TMEM132B: variants seen among roughly 807,000 people sequenced by gnomAD.
The protein encoded by TMEM132B is transmembrane protein 132B.
Under a neutral mutation model 90.8 loss-of-function variants are expected in TMEM132B, and 18 were observed. The ratio of observed to expected loss-of-function variants is 0.20; its 90% CI spans 0.14 to 0.29. The LOEUF (loss-of-function observed/expected upper bound fraction) is 0.29, where lower values mean the gene tolerates loss of function less well. Among genes scored for constraint, TMEM132B ranks in the 10% least tolerant of loss-of-function variants. The pLI is 1.00. For synonymous variants in TMEM132B, 504 were observed against 523.3 expected, an observed-to-expected ratio of 0.96 and a Z score of 0.50; for missense variants, 1,096 against 1,326.8, an observed-to-expected ratio of 0.83 and a Z score of 2.70.
intron 1 of TMEM132B, among the ~76,000 whole-genome samples, chr12:125,227,802 C>A (rs1048046216): frequency 6.6e-5 from 10 of 151,970 alleles, no homozygotes; most frequent in African/African-American, 2.4e-4. Context: ...GTGTGTAGGG[C>A]TGAACAAAAG....
At position 125,277,526 on chromosome 12, in the gene TMEM132B, CACAT is replaced by C. The variant is rs1176698459; in HGVS notation, c.68-71922_68-71919del. On this transcript the variant is annotated intron_variant, in intron 1 of 8. Transcript: ENST00000682704. The surrounding 1 kb of genome is among the most constrained non-coding windows in gnomAD (Gnocchi z 4.3). ...GAACACACACACACACACACACACA[CACAT>C]ACACACACACACGGGAAGGCCATGT... Among the ~76,000 whole-genome samples the C allele has an allele frequency of 1.3e-5, 2 of 151,228 alleles. No individual in the cohort carries two copies. The highest frequency in any genetic ancestry group is 4.9e-5 in the African/African-American group (2 of 41,016).
chr12:125,565,868 C>T (rs1884647274), intron 4 of TMEM132B, among the ~76,000 whole-genome samples: 1 of 152,182 alleles, frequency 6.6e-6, no homozygotes, highest in Non-Finnish European at 1.5e-5. Context: ...AAAAGGAATG[C>T]CTGTTCTTAT....
intron 1 of TMEM132B, among the ~76,000 whole-genome samples, chr12:125,292,516 G>A (rs368710978): frequency 6.6e-6 from 1 of 152,198 alleles, no homozygotes; most frequent in East Asian, 1.9e-4. Flanking sequence ...TTCTGTTTGC[G>A]AGTGACAGAA....
At chr12:125,365,601 A>G (rs912097202) in intron 2 of TMEM132B, among the ~76,000 whole-genome samples, 2 of 152,088 alleles carry the variant, frequency 1.3e-5, no homozygotes, top group Non-Finnish European at 2.9e-5. Context: ...TACTGGCAAT[A>G]AATTCCTTTA....
intron 1 of TMEM132B, among the ~76,000 whole-genome samples, chr12:125,331,119 G>C (rs1876754995): frequency 6.6e-6 from 1 of 152,214 alleles, no homozygotes; most frequent in Non-Finnish European, 1.5e-5. Flanking sequence ...GCGAGGCCCG[G>C]GGTCTGCGGA....
intron 4 of TMEM132B, among the ~76,000 whole-genome samples, chr12:125,577,995 G>A (rs1370858625): frequency 1.3e-5 from 2 of 152,014 alleles, no homozygotes; most frequent in East Asian, 3.9e-4. Context: ...TTTCAAATTT[G>A]TTGAGACTTG....
At chr12:125,412,919 C>G (rs530321966) in intron 2 of TMEM132B, among the ~76,000 whole-genome samples, 1 of 151,994 alleles carries the variant, frequency 6.6e-6, no homozygotes, top group Non-Finnish European at 1.5e-5. Flanking sequence ...CAGAATTCAG[C>G]GGAAGAATGA....
At chr12:125,280,435 A>C (rs1237547725) in intron 1 of TMEM132B, among the ~76,000 whole-genome samples, 1 of 152,234 alleles carries the variant, frequency 6.6e-6, no homozygotes, top group Non-Finnish European at 1.5e-5. Flanking sequence ...AGGGTGTATC[A>C]GTGAGAATAA....
At chr12:125,631,924 T>A (rs1341535157) in intron 5 of TMEM132B, among the ~76,000 whole-genome samples, 5 of 151,768 alleles carry the variant, frequency 3.3e-5, no homozygotes, top group Non-Finnish European at 7.4e-5. Flanking sequence ...TGGGTCTTTT[T>A]AAAAAATCCA....
At chr12:125,331,082 G>A (rs1876753647) in intron 1 of TMEM132B, among the ~76,000 whole-genome samples, 1 of 152,328 alleles carries the variant, frequency 6.6e-6, no homozygotes, top group East Asian at 1.9e-4. Flanking sequence ...CGCTGGCGGC[G>A]GCGGCCACTG....
intron 1 of TMEM132B, among the ~76,000 whole-genome samples, chr12:125,278,433 G>A (rs928421832): frequency 2.0e-5 from 3 of 148,914 alleles, no homozygotes; most frequent in Non-Finnish European, 4.4e-5. Flanking sequence ...AAATTTAACT[G>A]TCAATCAAGG....
At chr12:125,188,669 C>T (rs1957774892) in intron 1 of TMEM132B, among the ~76,000 whole-genome samples, 1 of 151,700 alleles carries the variant, frequency 6.6e-6, no homozygotes, top group Non-Finnish European at 1.5e-5. Flanking sequence ...TGCCTGCTCC[C>T]CTGCTGTTCT....
chr12:125,260,922 T>TTGTGTGTGTGTGTGTG lies in TMEM132B; in HGVS notation c.67+74069_67+74084dup, dbSNP rs60739492. On this transcript the variant is annotated intron_variant, in intron 1 of 8. Coordinates refer to ENST00000682704, the MANE Select transcript of TMEM132B (RefSeq NM_001366854.1). The stretch of plus-strand genomic sequence containing the variant: ...CAGAGCGAGACCCTGTCTCTACAGA[T>TTGTGTGTGTGTGTGTG]TGTGTGTGTGTGTGTGTGTGTGTGT... Among the ~76,000 whole-genome samples the TTGTGTGTGTGTGTGTG allele has an allele frequency of 5.1e-4, 75 of 148,250 alleles. 1 individual carries two copies. Among genetic ancestry groups the TTGTGTGTGTGTGTGTG allele is most frequent in the African/African-American group, 1.6e-3 (66 of 40,176 alleles).
intron 5 of TMEM132B, among the ~76,000 whole-genome samples, chr12:125,636,569 C>G (rs1407974575): frequency 6.6e-6 from 1 of 152,196 alleles, no homozygotes; most frequent in African/African-American, 2.4e-5. Flanking sequence ...GCTCCTACCC[C>G]TCTTCAAGCT....
chr12:125,254,496 G>A (rs7963538), intron 1 of TMEM132B, among the ~76,000 whole-genome samples: 2,073 of 151,048 alleles, frequency 0.014, 43 homozygotes, highest in African/African-American at 0.048. Flanking sequence ...TTAGTTTTCT[G>A]TCCATTAACC....
chr12:125,371,288 C>T (rs909568598), intron 2 of TMEM132B, among the ~76,000 whole-genome samples: 1 of 152,198 alleles, frequency 6.6e-6, no homozygotes, highest in Non-Finnish European at 1.5e-5. Flanking sequence ...TTAATCTCTT[C>T]TAGCAACACC....
chr12:125,498,063 C>A lies in TMEM132B; in HGVS notation c.1107-21376C>A, dbSNP rs1290754762. Reference sequence around the variant, plus strand: ...GAGAGCCCTGAAATTCTCCCACTAGCAATTAAATGATCAGTCCAGACCTGA... The same window carrying A: ...GAGAGCCCTGAAATTCTCCCACTAGAAATTAAATGATCAGTCCAGACCTGA... On this transcript the variant is annotated intron_variant, in intron 3 of 8. Transcript: ENST00000682704. The surrounding 1 kb of genome is among the most constrained non-coding windows in gnomAD (Gnocchi z 4.5). 6.6e-6 allele frequency among the ~76,000 whole-genome samples: 1 copy of A among 152,204 alleles called. No individual in the cohort carries two copies. Among genetic ancestry groups the A allele is most frequent in the Non-Finnish European group, 1.5e-5 (1 of 68,036 alleles).
rs757659675 is a variant in TMEM132B at position 125,650,887 on chromosome 12, G to T, written c.1848G>T (p.Pro616=). Residue 616 remains proline, a synonymous_variant, in exon 7 of 9, where the codon CCG becomes CCT. Coordinates refer to ENST00000682704, the MANE Select transcript of TMEM132B (RefSeq NM_001366854.1). The part of the protein sequence containing the change: ...LVTEFMKVEE[P]KIAQLQDGRT... The stretch of plus-strand genomic sequence containing the variant: ...CCGAGTTCATGAAGGTGGAGGAGCC[G>T]AAAATCGCTCAGTTACAGGACGGCA... 6.2e-7 allele frequency: 1 copy of T among 1,613,884 alleles called. No individual in the cohort carries two copies. Among genetic ancestry groups the T allele is most frequent in the African/African-American group, 1.3e-5 (1 of 75,034 alleles).
At chr12:125,288,751 T>A (rs1875444417) in intron 1 of TMEM132B, among the ~76,000 whole-genome samples, 1 of 152,206 alleles carries the variant, frequency 6.6e-6, no homozygotes, top group South Asian at 2.1e-4. Flanking sequence ...TCCCACTAGA[T>A]GCCGGTACCA....
Sources: gnomAD v4.1 joint callset for allele counts (sites outside exome capture counted in the v4.1 genomes callset) on GRCh38, gnomAD v4.1.1 for gene constraint, Gnocchi (gnomAD v3.1) non-coding constraint, MANE v1.5 for transcripts, NCBI Gene and HGNC (gene_info 2026-07-23, HGNC 2026-07-21) for gene names.